Variants in MAST4 observed in about 807,000 individuals in gnomAD.
MAST4 encodes microtubule associated serine/threonine kinase family member 4.
Under a neutral mutation model 162.7 loss-of-function variants are expected in MAST4, and 89 were observed. That is an observed-to-expected ratio of 0.55 (90% CI 0.46 to 0.65). The LOEUF is 0.65. MAST4 is among the 30% of genes least tolerant of loss of function. The pLI is 0.00. For synonymous variants in MAST4, 1,479 were observed against 1,361.1 expected (o/e 1.09, Z -1.91); for missense variants, 3,153 against 3,374.0 (o/e 0.93, Z 1.62).
At chr5:66,831,868 A>G (rs1436544635) in intron 3 of MAST4, among the ~76,000 whole-genome samples, 1 of 152,198 alleles carries the variant, frequency 6.6e-6, no homozygotes, top group African/African-American at 2.4e-5. Context: ...TACTTTGGGC[A>G]ATTTGAATTT....
chr5:66,714,124 CT>C (rs1489191681), intron 1 of MAST4, among the ~76,000 whole-genome samples: 9 of 152,244 alleles, frequency 5.9e-5, no homozygotes, highest in African/African-American at 1.9e-4. Flanking sequence ...TCTACTTAGT[CT>C]TTCTGCTAAA....
chr5:67,015,607 G>GA (rs1403406107), intron 4 of MAST4, among the ~76,000 whole-genome samples: 1 of 152,214 alleles, frequency 6.6e-6, no homozygotes, highest in Non-Finnish European at 1.5e-5. Context: ...ATTGGACTGG[G>GA]AGGGAGTAGT....
chr5:66,974,528 G>C (rs7715609), intron 4 of MAST4, among the ~76,000 whole-genome samples: 1 of 152,184 alleles, frequency 6.6e-6, no homozygotes, highest in Non-Finnish European at 1.5e-5. Context: ...GTATTCAGAA[G>C]TATTACTAAC....
intron 6 of MAST4, chr5:67,093,638 A>C (rs1315430947): frequency 2.1e-6 from 1 of 465,976 alleles, no homozygotes; most frequent in East Asian, 6.1e-5. Flanking sequence ...TGGAGCAAGC[A>C]AATGTAATTT....
intron 3 of MAST4, among the ~76,000 whole-genome samples, chr5:66,837,246 A>G (rs1221340402): frequency 6.6e-6 from 1 of 152,096 alleles, no homozygotes; most frequent in African/African-American, 2.4e-5. Flanking sequence ...AAAAATATGT[A>G]TTGTAGTTAA....
chr5:66,747,796 G>C (rs760812885), intron 1 of MAST4, among the ~76,000 whole-genome samples: 1 of 152,208 alleles, frequency 6.6e-6, no homozygotes, highest in Non-Finnish European at 1.5e-5. Context: ...GCTGTCCCGT[G>C]CATTGCAGGA....
intron 3 of MAST4, among the ~76,000 whole-genome samples, chr5:66,859,851 G>A (rs1000311528): frequency 6.6e-6 from 1 of 152,198 alleles, no homozygotes; most frequent in Admixed American, 6.5e-5. Context: ...TAAAAGTTAG[G>A]CAGGCATGCC....
intron 4 of MAST4, among the ~76,000 whole-genome samples, chr5:67,008,392 T>C (rs115968625): frequency 7.8e-4 from 119 of 152,318 alleles, no homozygotes; most frequent in African/African-American, 2.7e-3. Context: ...CTTTGCCCAT[T>C]GGATGAAAAA....
At chr5:66,954,760 G>A (rs918393312) in intron 4 of MAST4, among the ~76,000 whole-genome samples, 8 of 152,008 alleles carry the variant, frequency 5.3e-5, no homozygotes, top group Non-Finnish European at 1.0e-4. Flanking sequence ...AATTAGCTGC[G>A]TGTGATGACA....
chr5:66,843,174 G>T (rs1758547305), intron 3 of MAST4, among the ~76,000 whole-genome samples: 1 of 152,130 alleles, frequency 6.6e-6, no homozygotes, highest in Non-Finnish European at 1.5e-5. Context: ...TTTGGAATGT[G>T]CTGCTTAAAA....
chr5:66,992,369 A>G (rs1440165903), intron 4 of MAST4, among the ~76,000 whole-genome samples: 1 of 152,198 alleles, frequency 6.6e-6, no homozygotes, highest in Non-Finnish European at 1.5e-5. Context: ...GGTTTTCTCT[A>G]ATGAAAAGAA....
In MAST4 at chr5:67,166,854, G is replaced by C; in HGVS notation, c.7675G>C (p.Glu2559Gln). The C allele has an allele frequency of 1.9e-6, 3 of 1,606,238 alleles. No individual in the cohort carries two copies. Among genetic ancestry groups the C allele is most frequent in the Non-Finnish European group, 2.5e-6 (3 of 1,176,820 alleles). ...TCTCTCGGTGACTGCCACCGTAGGG[G>C]AAACCAAAGGGAAGGACCCTGCCCC... The part of the protein sequence containing the change: ...RALSVTATVG[E>Q]TKGKDPAPAQ... Residue 2559 changes from glutamate to glutamine, a missense_variant, in exon 29 of 29, where the codon GAA becomes CAA. Glu to Gln is a conservative substitution (Grantham distance 29). This residue lies in a region of MAST4 where 1,644 missense variants were observed against 1,495.0 expected (regional missense o/e 1.10). Transcript: ENST00000403625.
chr5:66,796,387 CT>C (rs1755647544), intron 3 of MAST4, among the ~76,000 whole-genome samples: 1 of 152,124 alleles, frequency 6.6e-6, no homozygotes, highest in South Asian at 2.1e-4. Flanking sequence ...GTCCCCATGT[CT>C]TAGTTTTTTT....
At chr5:67,097,575 G>A (rs1283338961) in intron 7 of MAST4, among the ~76,000 whole-genome samples, 1 of 152,012 alleles carries the variant, frequency 6.6e-6, no homozygotes, top group African/African-American at 2.4e-5. Flanking sequence ...AAATGAAATC[G>A]TTGCTGTCTC....
In MAST4 at chr5:66,896,163, T is replaced by TC. The variant is rs1250102736; in HGVS notation, c.643-3787dup. Among the ~76,000 whole-genome samples the TC allele has an allele frequency of 2.6e-5, 4 of 152,334 alleles. No individual in the cohort carries two copies. In the East Asian group the frequency reaches 5.8e-4, roughly 22 times the overall value. On this transcript the variant is annotated intron_variant, in intron 3 of 28. Transcript: ENST00000403625. ...CAGTTAGTCAATTTATTCTTTTTTT[T>TC]CACAGCCTTGACAGCTTTAAGGAGC...
At chr5:66,762,532 CT>C (rs1266743233) in intron 2 of MAST4, among the ~76,000 whole-genome samples, 4 of 152,150 alleles carry the variant, frequency 2.6e-5, no homozygotes, top group Admixed American at 1.3e-4. Context: ...GTGTTAGGCA[CT>C]GTGTTCATGT....
intron 4 of MAST4, among the ~76,000 whole-genome samples, chr5:67,035,524 G>A (rs992973508): frequency 3.9e-5 from 6 of 152,118 alleles, no homozygotes; most frequent in Admixed American, 6.6e-5. Context: ...CCTTTATGAT[G>A]TGGTCAAGTG....
intron 4 of MAST4, chr5:66,917,319 C>T: frequency 3.0e-6 from 1 of 328,630 alleles, no homozygotes. Context: ...TTTCTACAAA[C>T]TATTATGTGA....
intron 1 of MAST4, among the ~76,000 whole-genome samples, chr5:66,705,302 T>G (rs1041147317): frequency 2.2e-4 from 34 of 152,224 alleles, no homozygotes; most frequent in Non-Finnish European, 4.4e-4. Context: ...TGAGCATGTT[T>G]AGAATGATAA....
Sources: allele counts gnomAD v4.1 joint callset (sites outside exome capture counted in the v4.1 genomes callset), GRCh38; gene constraint gnomAD v4.1.1; regional missense constraint gnomAD v4.1.1; transcripts MANE v1.5; gene names NCBI Gene and HGNC (gene_info 2026-07-23, HGNC 2026-07-21).